SRD5A2: variants seen among roughly 807,000 people sequenced by gnomAD.
SRD5A2 encodes steroid 5 alpha-reductase 2.
In SRD5A2, 30 loss-of-function variants were observed where a neutral mutation model predicts 27.4. The ratio of observed to expected loss-of-function variants is 1.10; its 90% CI spans 0.82 to 1.49. The LOEUF (loss-of-function observed/expected upper bound fraction) is 1.49. Among genes scored for constraint, SRD5A2 ranks in the 40% most tolerant of loss-of-function variants. SRD5A2 has a pLI of 0.00. For missense variants in SRD5A2, 348 were observed against 323.4 expected, an observed-to-expected ratio of 1.08 and a Z score of -0.58; for synonymous variants, 141 against 133.6, an observed-to-expected ratio of 1.06 and a Z score of -0.38.
At chr2:31,646,311 G>C in the SRD5A2 span, among the ~76,000 whole-genome samples, 1 of 152,212 alleles carries the variant, frequency 6.6e-6, no homozygotes, top group Non-Finnish European at 1.5e-5. Flanking sequence ...TAAATGTTGA[G>C]CTTTACCTGT....
rs141572374 is a variant in SRD5A2, at chr2:31,552,923, C to A, written c.282-19157G>T. Among the ~76,000 whole-genome samples the A allele has an allele frequency of 3.7e-3, 559 of 152,226 alleles. 3 individuals carry two copies. Among genetic ancestry groups the A allele is most frequent in the African/African-American group, 0.012 (502 of 41,554 alleles). ...GAAAAAACAAATCTCCAGCAACCAA[C>A]CCTACAGAAGTGGAGATCTTTTAGA... On this transcript the variant is annotated intron_variant, in intron 1 of 4. Transcript: ENST00000622030.
rs761583552 is a variant in SRD5A2 at position 31,551,407 on chromosome 2, A to G, written c.282-17641T>C. ...TCCTGATAAAACCATTGTTTTCAAT[A>G]TATCAGAAGTTGAAAATACATTTAA... On this transcript the variant is annotated intron_variant, in intron 1 of 4. Coordinates refer to ENST00000622030, the MANE Select transcript of SRD5A2 (RefSeq NM_000348.4). Among the ~76,000 whole-genome samples the G allele has an allele frequency of 2.6e-5, 4 of 152,282 alleles. No individual in the cohort carries two copies. The South Asian group carries it at 6.2e-4, about 24-fold the overall frequency.
the SRD5A2 span, among the ~76,000 whole-genome samples, chr2:31,592,194 C>T: frequency 4.3e-4 from 65 of 152,000 alleles, no homozygotes; most frequent in East Asian, 5.6e-3. Context: ...CTTCTACTAC[C>T]GCAGATGGTG....
At chr2:31,629,367 C>T in the SRD5A2 span, among the ~76,000 whole-genome samples, 1 of 152,144 alleles carries the variant, frequency 6.6e-6, no homozygotes, top group Non-Finnish European at 1.5e-5. Context: ...GAACAAGGAC[C>T]ACCCGGTAAC....
rs1666709273 is a variant in SRD5A2 at position 31,565,332 on chromosome 2, C to G, written c.281+15288G>C. Among the ~76,000 whole-genome samples, 7 of 151,872 alleles carry G rather than the reference C, an allele frequency of 4.6e-5. No individual in the cohort carries two copies. In the South Asian group the frequency reaches 1.5e-3, roughly 32 times the overall value. ...AAATAGCAAGATGATAGACATAATT[C>G]AAACTGTATAAATAATCTCATTAAA... On this transcript the variant is annotated intron_variant, in intron 1 of 4. Coordinates refer to ENST00000622030, the MANE Select transcript of SRD5A2 (RefSeq NM_000348.4).
chr2:31,598,843 T>C, the SRD5A2 span, among the ~76,000 whole-genome samples: 2 of 151,868 alleles, frequency 1.3e-5, no homozygotes, highest in African/African-American at 4.8e-5. Flanking sequence ...TGAATATAAA[T>C]TGAGTAAATT....
At chr2:31,628,164 G>A in the SRD5A2 span, among the ~76,000 whole-genome samples, 1 of 152,214 alleles carries the variant, frequency 6.6e-6, no homozygotes, top group African/African-American at 2.4e-5. Flanking sequence ...CCTGTGTGGG[G>A]TGCATATATA....
At chr2:31,647,397 A>T in the SRD5A2 span, among the ~76,000 whole-genome samples, 1 of 152,144 alleles carries the variant, frequency 6.6e-6, no homozygotes, top group South Asian at 2.1e-4. Flanking sequence ...CTGAGAATCC[A>T]TCTTTCCCTT....
upstream of SRD5A2, chr2:31,581,103 C>T: frequency 1.7e-6 from 1 of 595,420 alleles, no homozygotes; most frequent in Non-Finnish European, 2.9e-6. Context: ...GCCGCGGTGG[C>T]CGGAGGAGAA....
At chr2:31,539,139 A>T (rs1442300181) in intron 1 of SRD5A2, among the ~76,000 whole-genome samples, 1 of 152,224 alleles carries the variant, frequency 6.6e-6, no homozygotes, top group East Asian at 1.9e-4. Flanking sequence ...TTTAAAAAGC[A>T]AACATGAGAA....
Position 31,531,369 on chromosome 2 carries a change from A to G in SRD5A2, c.547+2T>C. 6.4e-7 allele frequency: 1 copy of G among 1,572,576 alleles called. No individual in the cohort carries two copies. The highest frequency in any genetic ancestry group is 1.2e-5 in the South Asian group (1 of 85,704). The stretch of plus-strand genomic sequence containing the variant: ...AGAGTCTGGGGGCAGGGGAGACATT[A>G]CCTTGTGGAATCCTGTAGCTGATTT... On this transcript the variant is annotated splice_donor_variant, in intron 3 of 4. Transcript: ENST00000622030. LOFTEE classifies it high-confidence loss of function.
the SRD5A2 span, among the ~76,000 whole-genome samples, chr2:31,609,331 A>G: frequency 4.6e-5 from 7 of 152,244 alleles, no homozygotes; most frequent in East Asian, 1.4e-3. Flanking sequence ...AGAAAAAAAA[A>G]CTGAAGGACT....
chr2:31,610,354 A>T, the SRD5A2 span, among the ~76,000 whole-genome samples: 1 of 152,200 alleles, frequency 6.6e-6, no homozygotes, highest in East Asian at 1.9e-4. Flanking sequence ...TATCCCAGGG[A>T]TGAAGAGATG....
At chr2:31,556,050 G>A (rs1471577809) in intron 1 of SRD5A2, among the ~76,000 whole-genome samples, 1 of 152,194 alleles carries the variant, frequency 6.6e-6, no homozygotes, top group Non-Finnish European at 1.5e-5. Context: ...AAACCACCAG[G>A]AAGCCTTTCC....
intron 1 of SRD5A2, among the ~76,000 whole-genome samples, chr2:31,535,090 C>T (rs780220894): frequency 6.6e-6 from 1 of 150,852 alleles, no homozygotes; most frequent in Non-Finnish European, 1.5e-5. Flanking sequence ...GGCACGATCT[C>T]GGCTCACTGC....
Position 31,526,076 on chromosome 2 carries a change from C to A in SRD5A2, c.*120G>T. The A allele has an allele frequency of 4.9e-6, 3 of 614,086 alleles. No individual in the cohort carries two copies. Among genetic ancestry groups the A allele is most frequent in the Admixed American group, 2.7e-5 (1 of 37,692 alleles). 38.0% of individuals were successfully genotyped at this position (614,086 alleles called of 1,614,324 possible). On this transcript the variant is annotated 3_prime_UTR_variant, in exon 5 of 5. Coordinates refer to ENST00000622030, the MANE Select transcript of SRD5A2 (RefSeq NM_000348.4). Reference sequence around the variant, plus strand: ...AGAATCCCCAGGCCAGCTGGCAGAACGCCAGGAGACCTACTATTACATATA... The same window carrying A: ...AGAATCCCCAGGCCAGCTGGCAGAAAGCCAGGAGACCTACTATTACATATA...
intron 4 of SRD5A2, chr2:31,526,808 T>C (rs1665793486): frequency 6.5e-6 from 1 of 153,812 alleles, no homozygotes; most frequent in East Asian, 1.9e-4. Context: ...GGGTAATTTT[T>C]TTTTTTCTGA....
chr2:31,525,616 T>TTC lies in SRD5A2; in HGVS notation c.*579_*580insGA. The TTC allele has an allele frequency of 4.4e-6, 1 of 227,154 alleles. No homozygotes were observed. The highest frequency in any genetic ancestry group is 8.7e-6 in the Non-Finnish European group (1 of 114,286). 14.1% of individuals were successfully genotyped at this position (227,154 alleles called of 1,614,324 possible). ...CAATGCATCAGTATCTTTTCAGCAC[T>TTC]ATGAGGAGAGGGCTCCTGTATTCAA... is the stretch of plus-strand genomic sequence containing the variant. On this transcript the variant is annotated 3_prime_UTR_variant, in exon 5 of 5. Coordinates refer to ENST00000622030, the MANE Select transcript of SRD5A2 (RefSeq NM_000348.4).
chr2:31,659,417 T>A, the SRD5A2 span, among the ~76,000 whole-genome samples: 1 of 152,036 alleles, frequency 6.6e-6, no homozygotes, highest in Non-Finnish European at 1.5e-5. Context: ...CAATATGATT[T>A]CATACCTAGA....
Sources: gnomAD v4.1 joint callset for allele counts (sites outside exome capture counted in the v4.1 genomes callset) on GRCh38, gnomAD v4.1.1 for gene constraint, MANE v1.5 for transcripts, NCBI Gene and HGNC (gene_info 2026-07-23, HGNC 2026-07-21) for gene names.